Variants in ADCY2 observed in about 807,000 individuals in gnomAD.
ADCY2 encodes adenylate cyclase 2, also known as adenylate cyclase type 2.
Under a neutral mutation model 125.2 loss-of-function variants are expected in ADCY2, and 31 were observed. The ratio of observed to expected loss-of-function variants is 0.25; its 90% CI spans 0.19 to 0.33. The LOEUF is 0.33. ADCY2 is among the 10% of genes least tolerant of loss of function. The pLI, the probability that ADCY2 is intolerant of heterozygous loss-of-function variation, is 1.00. For missense variants in ADCY2, 904 were observed against 1,418.2 expected (o/e 0.64, Z 5.82); for synonymous variants, 512 against 548.4 (o/e 0.93, Z 0.93).
At chr5:7,698,115 A>T in intron 6 of ADCY2, 132 bp from the exon 7 acceptor site, 2 of 1,071,060 alleles carry the variant, frequency 1.9e-6, no homozygotes, top group Non-Finnish European at 2.7e-6. Context: ...GGGAAGCCCA[A>T]CTGGTTCTCA....
rs377158198 is a variant in ADCY2 at position 7,494,078 on chromosome 5, ACAGGGGCCCC to A, written c.409-26656_409-26647del. Among the ~76,000 whole-genome samples the A allele has an allele frequency of 8.5e-4, 129 of 152,222 alleles. 1 individual carries two copies. In the East Asian group the frequency reaches 0.016, roughly 19 times the overall value. On this transcript the variant is annotated intron_variant, in intron 2 of 24. Transcript: ENST00000338316. ...TGCCTCAGCAGTCAAATATGTGCAGACAGGGGCCCCCAGTGATGAGAGGCACAAGCTGGTG... is the reference window on the plus strand; with the variant it reads ...TGCCTCAGCAGTCAAATATGTGCAGACAGTGATGAGAGGCACAAGCTGGTG...
chr5:7,427,358 G>T lies in ADCY2; in HGVS notation c.408+12588G>T, dbSNP rs140866887. Reference sequence around the variant, plus strand: ...ACAGGTTTAATTGACTTACAGTTCTGCATGGCTGAGAAGGCCTTAGGAAAC... The same window carrying T: ...ACAGGTTTAATTGACTTACAGTTCTTCATGGCTGAGAAGGCCTTAGGAAAC... On this transcript the variant is annotated intron_variant, in intron 2 of 24. Coordinates refer to ENST00000338316, the MANE Select transcript of ADCY2 (RefSeq NM_020546.3). Among the ~76,000 whole-genome samples the T allele has an allele frequency of 6.9e-4, 105 of 152,288 alleles. 1 individual carries two copies. In the East Asian group the frequency reaches 0.017, roughly 25 times the overall value.
intron 3 of ADCY2, among the ~76,000 whole-genome samples, chr5:7,606,009 T>G (rs1737363170): frequency 7.3e-6 from 1 of 137,208 alleles, no homozygotes; most frequent in African/African-American, 2.8e-5. Context: ...TTATTGAGAG[T>G]TTTTAGCATG....
intron 3 of ADCY2, among the ~76,000 whole-genome samples, chr5:7,572,581 C>T (rs1014933856): frequency 9.9e-5 from 15 of 152,152 alleles, no homozygotes; most frequent in African/African-American, 3.6e-4. Context: ...AAAATTTTCT[C>T]CCATTCTGTA....
chr5:7,530,972 A>G (rs1248942299), intron 3 of ADCY2, among the ~76,000 whole-genome samples: 1 of 152,056 alleles, frequency 6.6e-6, no homozygotes, highest in East Asian at 1.9e-4. Context: ...TACATGTACA[A>G]ATATCCCTCA....
chr5:7,823,671 C>T (rs1745372833), intron 24 of ADCY2, among the ~76,000 whole-genome samples: 1 of 152,166 alleles, frequency 6.6e-6, no homozygotes, highest in Admixed American at 6.5e-5. Flanking sequence ...GCACAACACC[C>T]GGAATATTCC....
At chr5:7,469,648 A>T (rs534905928) in intron 2 of ADCY2, among the ~76,000 whole-genome samples, 14 of 151,802 alleles carry the variant, frequency 9.2e-5, no homozygotes, top group Middle Eastern at 6.8e-3. Context: ...CTGATGTTTG[A>T]CATTTCAAAT....
At chr5:7,616,941 G>A (rs1399056140) in intron 3 of ADCY2, among the ~76,000 whole-genome samples, 2 of 152,124 alleles carry the variant, frequency 1.3e-5, no homozygotes, top group Non-Finnish European at 2.9e-5. Context: ...TGCTCACAGA[G>A]AAGAGACCCT....
At chr5:7,705,522 C>A (rs1741239744) in intron 7 of ADCY2, among the ~76,000 whole-genome samples, 1 of 151,540 alleles carries the variant, frequency 6.6e-6, no homozygotes, top group East Asian at 2.0e-4. Context: ...GCATGGGGAG[C>A]AGGAAGAGGA....
chr5:7,556,013 A>G (rs900725956), intron 3 of ADCY2, among the ~76,000 whole-genome samples: 2 of 152,148 alleles, frequency 1.3e-5, no homozygotes, highest in Non-Finnish European at 2.9e-5. Context: ...ATTTAAAATT[A>G]AATTTAAGAT....
chr5:7,501,974 C>T (rs1416105104), intron 2 of ADCY2, among the ~76,000 whole-genome samples: 2 of 152,080 alleles, frequency 1.3e-5, no homozygotes, highest in Non-Finnish European at 2.9e-5. Context: ...ATACTATTCA[C>T]GATCAATGGG....
intron 3 of ADCY2, among the ~76,000 whole-genome samples, chr5:7,535,558 TA>T (rs1449576451): frequency 1.3e-5 from 2 of 152,224 alleles, no homozygotes; most frequent in Admixed American, 1.3e-4. Context: ...TGGCATCCTT[TA>T]AAGGTAATCA....
intron 3 of ADCY2, among the ~76,000 whole-genome samples, chr5:7,619,428 G>A (rs867648532): frequency 9.9e-5 from 15 of 152,172 alleles, no homozygotes; most frequent in African/African-American, 3.1e-4. Context: ...GGATGCAAGC[G>A]AAGTGGAATA....
At chr5:7,454,845 C>T (rs1451296721) in intron 2 of ADCY2, among the ~76,000 whole-genome samples, 5 of 152,196 alleles carry the variant, frequency 3.3e-5, no homozygotes, top group African/African-American at 9.6e-5. Context: ...ATTTTTTGTA[C>T]AATATACCTA....
intron 3 of ADCY2, among the ~76,000 whole-genome samples, chr5:7,595,075 G>A: frequency 6.6e-6 from 1 of 152,092 alleles, no homozygotes; most frequent in East Asian, 1.9e-4. Flanking sequence ...AGGCAAAGTG[G>A]TTTACAAAGG....
chr5:7,606,811 A>G (rs189260278), intron 3 of ADCY2, among the ~76,000 whole-genome samples: 1 of 152,376 alleles, frequency 6.6e-6, no homozygotes, highest in Admixed American at 6.5e-5. Flanking sequence ...CATTATATGT[A>G]TAAATGCTAT....
intron 22 of ADCY2, among the ~76,000 whole-genome samples, chr5:7,807,836 C>T (rs73047096): frequency 8.9e-4 from 136 of 152,298 alleles, no homozygotes; most frequent in African/African-American, 3.2e-3. Context: ...CCTACAGTCT[C>T]TACACCAGCC....
chr5:7,423,912 A>G (rs1740298457), intron 2 of ADCY2, among the ~76,000 whole-genome samples: 1 of 152,164 alleles, frequency 6.6e-6, no homozygotes, highest in African/African-American at 2.4e-5. Flanking sequence ...CTGCACACAG[A>G]CTTTGTGATT....
chr5:7,652,538 A>G (rs1739132158), intron 4 of ADCY2, among the ~76,000 whole-genome samples: 1 of 152,200 alleles, frequency 6.6e-6, no homozygotes, highest in African/African-American at 2.4e-5. Flanking sequence ...ATGCTATTTA[A>G]AAACTGACAT....
Sources: allele counts gnomAD v4.1 joint callset (sites outside exome capture counted in the v4.1 genomes callset), GRCh38; gene constraint gnomAD v4.1.1; transcripts MANE v1.5; gene names NCBI Gene and HGNC (gene_info 2026-07-23, HGNC 2026-07-21).